MYOF: variants seen among roughly 807,000 people sequenced by gnomAD.
MYOF encodes the protein fer-1-like 3, myoferlin.
MYOF carries 244 observed loss-of-function variants against 284.2 expected under a neutral mutation model. The ratio of observed to expected loss-of-function variants is 0.86; its 90% CI spans 0.77 to 0.95. The LOEUF is 0.95. Among genes scored for constraint, MYOF ranks in the 40% least tolerant of loss-of-function variants. MYOF has a pLI of 0.00. For missense variants in MYOF, 2,496 were observed against 2,560.6 expected (o/e 0.97, Z 0.54); for synonymous variants, 904 against 919.7 (o/e 0.98, Z 0.31).
chr10:93,307,918 C>A (rs1231646914), intron 53 of MYOF, among the ~76,000 whole-genome samples: 1 of 150,376 alleles, frequency 6.6e-6, no homozygotes, highest in African/African-American at 2.4e-5. Context: ...AGCCACTGTA[C>A]CCGGCTGCCA....
intron 3 of MYOF, among the ~76,000 whole-genome samples, chr10:93,446,386 A>G (rs2056430974): frequency 6.6e-6 from 1 of 152,228 alleles, no homozygotes; most frequent in Admixed American, 6.5e-5. Flanking sequence ...CCGGGAAATT[A>G]ACTATTAGCA....
chr10:93,319,805 T>G (rs1842775407), intron 49 of MYOF, 67 bp downstream of exon 49: 5 of 1,600,072 alleles, frequency 3.1e-6, no homozygotes, highest in Non-Finnish European at 4.3e-6. Context: ...GCTCCAGCAT[T>G]CTATGAGCTT....
intron 5 of MYOF, among the ~76,000 whole-genome samples, chr10:93,420,857 T>C (rs925363459): frequency 6.6e-6 from 1 of 152,220 alleles, no homozygotes; most frequent in Non-Finnish European, 1.5e-5. Flanking sequence ...TTTGAAAATA[T>C]ATAAATCAGA....
chr10:93,434,089 G>A lies in MYOF; in HGVS notation c.237-2573C>T, dbSNP rs1296289415. Among the ~76,000 whole-genome samples the A allele has an allele frequency of 2.0e-5, 3 of 152,068 alleles. 1 individual carries two copies. The highest frequency in any genetic ancestry group is 4.1e-4 in the South Asian group (2 of 4,824). On this transcript the variant is annotated intron_variant, in intron 3 of 53. Coordinates refer to ENST00000359263, the MANE Select transcript of MYOF (RefSeq NM_013451.4). ...TCTTGTAAAGAACACCACACAAGAC[G>A]ATCAACAACTGCGATGGACTCTCAT...
rs1436408827 is a variant in MYOF, at chr10:93,336,452, G to A, written c.4438-406C>T. On this transcript the variant is annotated intron_variant, in intron 40 of 53. Transcript: ENST00000359263. ...ACATGATGAGTCTCAAAACTACAAC[G>A]TGGGGATAAAAGGCCAGACACACAA... Among the ~76,000 whole-genome samples, 6 of 152,164 alleles carry A rather than the reference G, an allele frequency of 3.9e-5. No individual in the cohort carries two copies. The East Asian group carries it at 1.2e-3, about 29-fold the overall frequency.
At chr10:93,464,061 CA>C (rs1225548892) in intron 1 of MYOF, among the ~76,000 whole-genome samples, 5 of 152,150 alleles carry the variant, frequency 3.3e-5, no homozygotes, top group African/African-American at 1.2e-4. Context: ...TAAACATTTA[CA>C]CTCAGTTGAC....
rs569027386 is a variant in MYOF, at chr10:93,319,818, G to C, written c.5598+54C>G. On this transcript the variant is annotated intron_variant, in intron 49 of 53. Coordinates refer to ENST00000359263, the MANE Select transcript of MYOF (RefSeq NM_013451.4). ...CAGCTCCAGCATTCTATGAGCTTCT[G>C]AGTTAAGGAAGATCCATGATACCCA... The C allele has an allele frequency of 5.8e-5, 93 of 1,610,226 alleles. No homozygotes were observed. The African/African-American group carries it at 1.1e-3, about 18-fold the overall frequency.
intron 1 of MYOF, among the ~76,000 whole-genome samples, chr10:93,476,338 G>A (rs1190048519): frequency 3.1e-5 from 4 of 129,738 alleles, no homozygotes; most frequent in Non-Finnish European, 4.7e-5. Flanking sequence ...TGCAACCTCC[G>A]CCTCCCAGGT....
At chr10:93,345,524 C>T (rs1844148494) in intron 37 of MYOF, among the ~76,000 whole-genome samples, 1 of 152,132 alleles carries the variant, frequency 6.6e-6, no homozygotes, top group Non-Finnish European at 1.5e-5. Flanking sequence ...TTTAGATCCA[C>T]GTGGCACCCC....
intron 3 of MYOF, among the ~76,000 whole-genome samples, chr10:93,435,135 T>C (rs1364680977): frequency 6.6e-6 from 1 of 152,200 alleles, no homozygotes; most frequent in Non-Finnish European, 1.5e-5. Flanking sequence ...ATTTCATAAT[T>C]CATAGCCTAA....
chr10:93,314,419 A>G (rs1424678735), intron 50 of MYOF, among the ~76,000 whole-genome samples: 4 of 152,142 alleles, frequency 2.6e-5, no homozygotes. Flanking sequence ...CTTCCACGGT[A>G]AGGGAAAAGT....
chr10:93,437,409 C>A lies in MYOF; in HGVS notation c.237-5893G>T, dbSNP rs115362759. Reference sequence around the variant, plus strand: ...TGAGTAAGGGCTTTGCCGGCTGACTCTTACTCAGGGGAGCTCACGTATACG... The same window carrying A: ...TGAGTAAGGGCTTTGCCGGCTGACTATTACTCAGGGGAGCTCACGTATACG... On this transcript the variant is annotated intron_variant, in intron 3 of 53. Transcript: ENST00000359263. Among the ~76,000 whole-genome samples, 781 of 152,242 alleles carry A rather than the reference C, an allele frequency of 5.1e-3. 3 individuals are homozygous for A. The highest frequency in any genetic ancestry group is 0.018 in the African/African-American group (741 of 41,526).
intron 3 of MYOF, among the ~76,000 whole-genome samples, chr10:93,447,853 G>A (rs969805478): frequency 6.6e-6 from 1 of 152,150 alleles, no homozygotes; most frequent in Non-Finnish European, 1.5e-5. Flanking sequence ...TTTTCAATGG[G>A]TCTAAAATAA....
intron 3 of MYOF, 53 bp downstream of exon 3, chr10:93,451,997 C>A: frequency 8.0e-7 from 1 of 1,249,840 alleles, no homozygotes; most frequent in Admixed American, 2.1e-5. Flanking sequence ...ACAAAATAAA[C>A]AACAGTGAGA....
At position 93,482,306 on chromosome 10, in the gene MYOF, T is replaced by G; in HGVS notation, c.-112A>C. The G allele has an allele frequency of 1.0e-6, 1 of 959,782 alleles. No homozygotes were observed. The highest frequency in any genetic ancestry group is 2.4e-5 in the East Asian group (1 of 41,352). The allele number at this position is 959,782 out of a possible 1,614,324, so 59.5% of individuals were successfully genotyped here. On this transcript the variant is annotated 5_prime_UTR_variant, in exon 1 of 54. Transcript: ENST00000359263. ...AGTTCTCTCCCAGTGAAGGGAGGAT[T>G]TCTCCCAGGGCAAGGAAGGGGAAAA...
At chr10:93,379,785 T>G in intron 21 of MYOF, 78 bp downstream of exon 21, 2 of 1,564,234 alleles carry the variant, frequency 1.3e-6, no homozygotes, top group Non-Finnish European at 1.7e-6. Context: ...TTTCTTGTGT[T>G]ATAGTGGCCT....
chr10:93,378,699 A>G lies in MYOF; in HGVS notation c.2001+1164T>C, dbSNP rs199752279. Among the ~76,000 whole-genome samples the G allele has an allele frequency of 2.5e-3, 233 of 93,106 alleles. 5 individuals carry two copies. The highest frequency in any genetic ancestry group is 6.6e-3 in the East Asian group (5 of 754). 61.1% of individuals were successfully genotyped at this position (93,106 alleles called of 152,430 possible). On this transcript the variant is annotated intron_variant, in intron 21 of 53. Transcript: ENST00000359263. ...TGTGTGTATGTGTGTGTGTGTATAT[A>G]TATATATATATATATATGTATATAT...
At chr10:93,361,765 T>A (rs1469450194) in intron 27 of MYOF, among the ~76,000 whole-genome samples, 1 of 152,244 alleles carries the variant, frequency 6.6e-6, no homozygotes. Flanking sequence ...CTTTTGTTTT[T>A]ACTATTAGGG....
intron 5 of MYOF, among the ~76,000 whole-genome samples, chr10:93,415,743 T>C (rs747162648): frequency 1.3e-5 from 2 of 152,246 alleles, no homozygotes; most frequent in Non-Finnish European, 2.9e-5. Flanking sequence ...GCACAGATCC[T>C]ATCTCCTGTT....
Sources: allele counts gnomAD v4.1 joint callset (sites outside exome capture counted in the v4.1 genomes callset), GRCh38; gene constraint gnomAD v4.1.1; transcripts MANE v1.5; gene names NCBI Gene and HGNC (gene_info 2026-07-23, HGNC 2026-07-21).